Variants in ROBO1 observed in about 807,000 individuals in gnomAD.
The protein encoded by ROBO1 is roundabout homolog 1.
In ROBO1, 149 loss-of-function variants were observed where a neutral mutation model predicts 195.9. The ratio of observed to expected loss-of-function variants is 0.76; its 90% CI spans 0.67 to 0.87. ROBO1 has a LOEUF of 0.87. Among genes scored for constraint, ROBO1 ranks in the 40% least tolerant of loss-of-function variants. ROBO1 has a pLI of 0.00. For synonymous variants in ROBO1, 816 were observed against 733.2 expected (o/e 1.11, Z -1.82); for missense variants, 1,933 against 2,068.3 (o/e 0.93, Z 1.27).
intron 4 of ROBO1, among the ~76,000 whole-genome samples, chr3:78,866,317 G>C (rs1156702585): frequency 6.6e-6 from 1 of 152,160 alleles, no homozygotes; most frequent in Non-Finnish European, 1.5e-5. Flanking sequence ...TTGTGTGAGT[G>C]AAAAAATTCA....
intron 4 of ROBO1, among the ~76,000 whole-genome samples, chr3:78,913,280 G>A (rs945785624): frequency 6.6e-6 from 1 of 152,090 alleles, no homozygotes; most frequent in African/African-American, 2.4e-5. Flanking sequence ...TTTGGTGACA[G>A]TAGGGCTAAC....
intron 1 of ROBO1, among the ~76,000 whole-genome samples, chr3:79,688,893 A>G (rs1947216312): frequency 6.6e-6 from 1 of 152,084 alleles, no homozygotes; most frequent in African/African-American, 2.4e-5. Flanking sequence ...CATGTAAAAG[A>G]CAAAAACTAA....
chr3:79,737,860 C>G (rs1343603577), intron 1 of ROBO1, among the ~76,000 whole-genome samples: 1 of 152,192 alleles, frequency 6.6e-6, no homozygotes, highest in African/African-American at 2.4e-5. Flanking sequence ...TTCTGCAATT[C>G]TAAGAATCTT....
chr3:79,703,603 AT>A (rs1560114850), intron 1 of ROBO1, among the ~76,000 whole-genome samples: 1 of 151,914 alleles, frequency 6.6e-6, no homozygotes, highest in African/African-American at 2.4e-5. Context: ...TGTGTACTCT[AT>A]TAATGCCATG....
chr3:79,727,188 T>C lies in ROBO1; in HGVS notation c.-51+40564A>G, dbSNP rs544444434. Among the ~76,000 whole-genome samples the C allele has an allele frequency of 3.9e-5, 6 of 152,290 alleles. No homozygotes were observed. In the East Asian group the frequency reaches 1.2e-3, roughly 29 times the overall value. ...TGCCTCAGGTGCTATGTTAATTTACTTGCTGGCAAACATTAATTGAAGTCA... is the reference window on the plus strand; with the variant it reads ...TGCCTCAGGTGCTATGTTAATTTACCTGCTGGCAAACATTAATTGAAGTCA... On this transcript the variant is annotated intron_variant, in intron 1 of 30. Transcript: ENST00000464233.
At chr3:79,707,302 C>A (rs1033141527) in intron 1 of ROBO1, among the ~76,000 whole-genome samples, 1 of 152,080 alleles carries the variant, frequency 6.6e-6, no homozygotes, top group African/African-American at 2.4e-5. Flanking sequence ...TCATAGTATG[C>A]CATTATTATC....
At chr3:79,572,164 A>G (rs1377387752) in intron 2 of ROBO1, among the ~76,000 whole-genome samples, 1 of 152,094 alleles carries the variant, frequency 6.6e-6, no homozygotes, top group Non-Finnish European at 1.5e-5. Context: ...AATAATAATA[A>G]AAGAAAAATT....
At chr3:78,830,823 G>C (rs2032112729) in intron 4 of ROBO1, among the ~76,000 whole-genome samples, 1 of 152,104 alleles carries the variant, frequency 6.6e-6, no homozygotes, top group African/African-American at 2.4e-5. Flanking sequence ...ACACGGCTTG[G>C]ATAATTACTG....
chr3:79,531,347 C>T (rs1227875651), intron 2 of ROBO1, among the ~76,000 whole-genome samples: 1 of 152,110 alleles, frequency 6.6e-6, no homozygotes, highest in East Asian at 1.9e-4. Context: ...ATTGGCCAGG[C>T]ATGGCGGCTC....
intron 4 of ROBO1, among the ~76,000 whole-genome samples, chr3:78,774,606 TAA>T (rs35336201): frequency 1.9e-5 from 1 of 53,820 alleles, no homozygotes. Context: ...ATGTTTTTAA[TAA>T]AAAAAAAAAA....
chr3:78,623,875 G>A (rs1454806945), intron 26 of ROBO1, among the ~76,000 whole-genome samples: 1 of 152,160 alleles, frequency 6.6e-6, no homozygotes, highest in African/African-American at 2.4e-5. Flanking sequence ...ATATCTATGA[G>A]TGTACCATTA....
chr3:78,736,216 T>C (rs2082388676), intron 5 of ROBO1, among the ~76,000 whole-genome samples: 2 of 152,170 alleles, frequency 1.3e-5, no homozygotes, highest in Admixed American at 6.6e-5. Context: ...AACTTTTCAT[T>C]CCTGAGTACC....
chr3:78,750,407 C>G (rs1219109957), intron 4 of ROBO1, among the ~76,000 whole-genome samples: 2 of 150,804 alleles, frequency 1.3e-5, no homozygotes, highest in Admixed American at 1.3e-4. Context: ...GAGCCAAGAT[C>G]ACACCACTGC....
chr3:79,319,303 C>T (rs2033874726), intron 2 of ROBO1, among the ~76,000 whole-genome samples: 5 of 152,056 alleles, frequency 3.3e-5, no homozygotes, highest in Admixed American at 3.3e-4. Flanking sequence ...TGTACTCTCC[C>T]TGATAATATT....
intron 2 of ROBO1, among the ~76,000 whole-genome samples, chr3:79,327,426 G>T (rs1167049652): frequency 6.6e-6 from 1 of 151,936 alleles, no homozygotes; most frequent in Non-Finnish European, 1.5e-5. Flanking sequence ...TCAAGCCTTT[G>T]TTACAAAGTG....
intron 2 of ROBO1, among the ~76,000 whole-genome samples, chr3:79,276,872 A>C (rs181240228): frequency 1.1e-4 from 17 of 152,218 alleles, no homozygotes; most frequent in Admixed American, 1.0e-3. Context: ...AAAAGTGCTC[A>C]ACACAATTGA....
intron 2 of ROBO1, among the ~76,000 whole-genome samples, chr3:79,547,139 C>T (rs1942297041): frequency 8.1e-6 from 1 of 122,946 alleles, no homozygotes; most frequent in Non-Finnish European, 1.6e-5. Context: ...GAGCCGAGAT[C>T]GTGCCACTGC....
At chr3:79,153,704 A>T (rs1050372833) in intron 2 of ROBO1, among the ~76,000 whole-genome samples, 8 of 147,796 alleles carry the variant, frequency 5.4e-5, no homozygotes, top group African/African-American at 2.0e-4. Context: ...ATAGCTCTTT[A>T]TATATTTATT....
At chr3:79,733,955 T>G (rs1375447306) in intron 1 of ROBO1, among the ~76,000 whole-genome samples, 2 of 150,056 alleles carry the variant, frequency 1.3e-5, no homozygotes, top group Admixed American at 6.6e-5. Flanking sequence ...CTCCCATCTT[T>G]TTTTTTTTTT....
Sources: gnomAD v4.1 joint callset for allele counts (sites outside exome capture counted in the v4.1 genomes callset) on GRCh38, gnomAD v4.1.1 for gene constraint, MANE v1.5 for transcripts, NCBI Gene and HGNC (gene_info 2026-07-23, HGNC 2026-07-21) for gene names.